The following PTPRK variants were observed in gnomAD, a reference collection of about 807,000 sequenced individuals.
PTPRK encodes the protein receptor-type tyrosine-protein phosphatase kappa.
Under a neutral mutation model 178.0 loss-of-function variants are expected in PTPRK, and 75 were observed. The observed-to-expected ratio is 0.42, with a 90% CI of 0.35 to 0.51. The LOEUF (loss-of-function observed/expected upper bound fraction) is 0.51, where lower values mean the gene tolerates loss of function less well. PTPRK is among the 20% of genes least tolerant of loss of function. The probability of loss-of-function intolerance (pLI) is 0.02; values close to 1 mark genes in which losing one functional copy is unlikely to be tolerated. For synonymous variants in PTPRK, 637 were observed against 620.6 expected (o/e 1.03, Z -0.39); for missense variants, 1,441 against 1,797.8 (o/e 0.80, Z 3.59).
At chr6:128,153,103 C>T (rs1797504745) in intron 7 of PTPRK, among the ~76,000 whole-genome samples, 1 of 151,774 alleles carries the variant, frequency 6.6e-6, no homozygotes, top group African/African-American at 2.4e-5. Context: ...TCAAGTTGAA[C>T]AAAAATGTGT....
chr6:128,514,607 G>A (rs921589434), intron 1 of PTPRK, among the ~76,000 whole-genome samples: 1 of 152,146 alleles, frequency 6.6e-6, no homozygotes, highest in Non-Finnish European at 1.5e-5. Flanking sequence ...ATCATATCAA[G>A]TGGAAACACG....
At chr6:128,390,396 T>G (rs1323445153) in intron 2 of PTPRK, among the ~76,000 whole-genome samples, 3 of 152,114 alleles carry the variant, frequency 2.0e-5, no homozygotes, top group Non-Finnish European at 1.5e-5. Flanking sequence ...TCCTGAAGCT[T>G]GGCAGCAATT....
At chr6:128,177,054 A>C (rs1384725829) in intron 7 of PTPRK, among the ~76,000 whole-genome samples, 2 of 151,762 alleles carry the variant, frequency 1.3e-5, no homozygotes, top group African/African-American at 2.4e-5. Flanking sequence ...TAAATTCTCT[A>C]GGTAAAGAGA....
At chr6:127,991,251 A>G in intron 20 of PTPRK, 43 bp downstream of exon 20, 1 of 1,453,970 alleles carries the variant, frequency 6.9e-7, no homozygotes, top group Non-Finnish European at 9.5e-7. Flanking sequence ...CTTCTCAACT[A>G]TGTTCATTTT....
At chr6:128,374,366 C>T (rs1194035153) in intron 2 of PTPRK, among the ~76,000 whole-genome samples, 1 of 152,058 alleles carries the variant, frequency 6.6e-6, no homozygotes, top group South Asian at 2.1e-4. Context: ...AAGTGTGTAT[C>T]CCCAGCATAG....
intron 13 of PTPRK, among the ~76,000 whole-genome samples, chr6:128,021,138 T>C (rs1270219310): frequency 6.6e-6 from 1 of 152,194 alleles, no homozygotes; most frequent in South Asian, 2.1e-4. Context: ...AGTGAATGAA[T>C]GAAAAGATGG....
chr6:127,997,705 A>C (rs891167750), intron 16 of PTPRK, among the ~76,000 whole-genome samples: 4 of 152,090 alleles, frequency 2.6e-5, no homozygotes, highest in Non-Finnish European at 5.9e-5. Flanking sequence ...TGAAATGAAC[A>C]AAAAGAACCA....
chr6:128,249,462 C>G (rs1407801298), intron 3 of PTPRK, among the ~76,000 whole-genome samples: 1 of 151,858 alleles, frequency 6.6e-6, no homozygotes, highest in Non-Finnish European at 1.5e-5. Flanking sequence ...GATGAACTAG[C>G]TAAAGACAGA....
At chr6:128,495,216 G>A (rs1854481300) in intron 1 of PTPRK, among the ~76,000 whole-genome samples, 1 of 152,130 alleles carries the variant, frequency 6.6e-6, no homozygotes, top group Non-Finnish European at 1.5e-5. Flanking sequence ...AGTTAAAGGA[G>A]AATCAATATA....
At chr6:128,166,578 C>T (rs1173775934) in intron 7 of PTPRK, among the ~76,000 whole-genome samples, 1 of 151,620 alleles carries the variant, frequency 6.6e-6, no homozygotes, top group Non-Finnish European at 1.5e-5. Context: ...ATAATAAATA[C>T]TGTAGTAATT....
chr6:128,125,741 C>T (rs530357673), intron 7 of PTPRK, among the ~76,000 whole-genome samples: 17 of 150,428 alleles, frequency 1.1e-4, no homozygotes, highest in South Asian at 6.3e-4. Flanking sequence ...TCCTGAGTAG[C>T]TGTGATTACA....
intron 14 of PTPRK, 78 bp downstream of exon 14, chr6:128,009,052 G>A: frequency 1.5e-6 from 2 of 1,337,076 alleles, no homozygotes; most frequent in South Asian, 3.4e-5. Flanking sequence ...CTAATTTAAA[G>A]GATCTTGAGA....
chr6:128,332,491 C>T (rs540691389), intron 2 of PTPRK, among the ~76,000 whole-genome samples: 9 of 152,206 alleles, frequency 5.9e-5, no homozygotes, highest in Non-Finnish European at 1.3e-4. Flanking sequence ...CCATGATGTG[C>T]GAAGGCACAC....
chr6:128,296,965 G>A (rs1345688869), intron 3 of PTPRK, among the ~76,000 whole-genome samples: 2 of 151,724 alleles, frequency 1.3e-5, no homozygotes, highest in Admixed American at 6.6e-5. Flanking sequence ...TCAGTGTGCT[G>A]TATTCAGGAA....
intron 3 of PTPRK, among the ~76,000 whole-genome samples, chr6:128,295,395 A>C (rs1447505096): frequency 6.6e-6 from 1 of 152,136 alleles, no homozygotes; most frequent in Non-Finnish European, 1.5e-5. Context: ...AAGTGAGTAC[A>C]AAGCAAGATT....
chr6:128,146,712 G>A (rs771412090), intron 7 of PTPRK, among the ~76,000 whole-genome samples: 2 of 152,022 alleles, frequency 1.3e-5, no homozygotes, highest in Non-Finnish European at 2.9e-5. Context: ...ACAGGCATGA[G>A]CCACCGTGCC....
intron 15 of PTPRK, chr6:128,003,048 G>A: frequency 3.0e-6 from 2 of 674,780 alleles, no homozygotes; most frequent in Non-Finnish European, 5.1e-6. Flanking sequence ...ATATTGGGTT[G>A]AACACAGTTG....
At chr6:128,455,722 T>C (rs1249484218) in intron 1 of PTPRK, among the ~76,000 whole-genome samples, 2 of 152,108 alleles carry the variant, frequency 1.3e-5, no homozygotes, top group African/African-American at 4.8e-5. Context: ...ATGTAATATT[T>C]AATGGGAGGG....
At chr6:128,366,299 T>C (rs951244520) in intron 2 of PTPRK, among the ~76,000 whole-genome samples, 2 of 152,104 alleles carry the variant, frequency 1.3e-5, no homozygotes, top group African/African-American at 4.8e-5. Context: ...TTCAAGAAAG[T>C]TTCAACTAAT....
Sources: gnomAD v4.1 joint callset for allele counts (sites outside exome capture counted in the v4.1 genomes callset) on GRCh38, gnomAD v4.1.1 for gene constraint, MANE v1.5 for transcripts, NCBI Gene and HGNC (gene_info 2026-07-23, HGNC 2026-07-21) for gene names.